NELL1: variants seen among roughly 807,000 people sequenced by gnomAD.
NELL1 encodes the protein protein kinase C-binding protein NELL1.
NELL1 carries 76 observed loss-of-function variants against 107.4 expected under a neutral mutation model. That is an observed-to-expected ratio of 0.71 (90% CI 0.59 to 0.86). NELL1 has a LOEUF of 0.86. Among genes scored for constraint, NELL1 ranks in the 40% least tolerant of loss-of-function variants. The pLI is 0.00. For missense variants in NELL1, 1,024 were observed against 1,005.5 expected, an observed-to-expected ratio of 1.02 and a Z score of -0.25; for synonymous variants, 353 against 341.2, an observed-to-expected ratio of 1.03 and a Z score of -0.38.
chr11:21,074,529 G>T (rs1236776502), intron 12 of NELL1, among the ~76,000 whole-genome samples: 1 of 152,056 alleles, frequency 6.6e-6, no homozygotes, highest in African/African-American at 2.4e-5. Flanking sequence ...ATCCAGGTTT[G>T]GATGCTGCTG....
intron 14 of NELL1, among the ~76,000 whole-genome samples, chr11:21,280,628 G>A (rs187643275): frequency 8.1e-4 from 123 of 152,168 alleles, no homozygotes; most frequent in African/African-American, 2.9e-3. Flanking sequence ...ACCAGCCCAC[G>A]GAGGGAGTAT....
chr11:20,852,018 T>C (rs1848804193), intron 4 of NELL1, among the ~76,000 whole-genome samples: 1 of 152,238 alleles, frequency 6.6e-6, no homozygotes, highest in African/African-American at 2.4e-5. Context: ...AGCTAAGAGA[T>C]GGATGGCTTT....
chr11:21,059,768 G>A (rs1357877286), intron 12 of NELL1, among the ~76,000 whole-genome samples: 1 of 152,012 alleles, frequency 6.6e-6, no homozygotes, highest in African/African-American at 2.4e-5. Context: ...ATCTTCCTTT[G>A]CTGCTACTGG....
At chr11:21,344,239 A>G (rs539545656) in intron 14 of NELL1, among the ~76,000 whole-genome samples, 8 of 152,316 alleles carry the variant, frequency 5.3e-5, no homozygotes, top group African/African-American at 1.9e-4. Context: ...CAGTAATAGA[A>G]TTTTTCAATC....
At chr11:21,352,612 C>T (rs1850842494) in intron 14 of NELL1, among the ~76,000 whole-genome samples, 1 of 152,118 alleles carries the variant, frequency 6.6e-6, no homozygotes, top group Non-Finnish European at 1.5e-5. Context: ...ACGAAAAATA[C>T]ACACAAATAA....
At chr11:20,793,189 C>A (rs10741854) in intron 3 of NELL1, among the ~76,000 whole-genome samples, 88,159 of 151,694 alleles carry the variant, frequency 0.58, 29,116 homozygotes, top group East Asian at 0.86. Flanking sequence ...TTTTCCACTT[C>A]TTTTGTGGTA....
intron 13 of NELL1, among the ~76,000 whole-genome samples, chr11:21,202,787 C>T (rs1261232629): frequency 1.3e-5 from 2 of 152,310 alleles, no homozygotes; most frequent in Middle Eastern, 3.4e-3. Flanking sequence ...CCTCTAAACA[C>T]TGCTTTAGCT....
intron 13 of NELL1, among the ~76,000 whole-genome samples, chr11:21,222,124 T>C (rs1185833426): frequency 6.6e-6 from 1 of 152,168 alleles, no homozygotes; most frequent in Non-Finnish European, 1.5e-5. Context: ...ATTTTGTTTA[T>C]CTTTTCAAAA....
chr11:21,111,117 A>G (rs1002388288), intron 12 of NELL1, among the ~76,000 whole-genome samples: 1 of 152,116 alleles, frequency 6.6e-6, no homozygotes, highest in African/African-American at 2.4e-5. Context: ...CAGATGAACC[A>G]TCACTACCAG....
chr11:21,282,841 C>T (rs1477236150), intron 14 of NELL1, among the ~76,000 whole-genome samples: 1 of 151,924 alleles, frequency 6.6e-6, no homozygotes, highest in Non-Finnish European at 1.5e-5. Context: ...ACTATTCAGC[C>T]ATAAAAAAGA....
Position 21,567,780 on chromosome 11 carries a change from C to T in NELL1, c.1981-2984C>T, listed in dbSNP as rs150963841. On this transcript the variant is annotated intron_variant, in intron 17 of 19. Transcript: ENST00000357134. ...TCAGATGTCACTAAGCTGTGAAGGA[C>T]GGTGAGCTATAGTAAATGACATAAA... Among the ~76,000 whole-genome samples the T allele has an allele frequency of 4.9e-3, 751 of 151,824 alleles. 4 individuals are homozygous for T. The highest frequency in any genetic ancestry group is 7.5e-3 in the Non-Finnish European group (509 of 67,860).
chr11:21,441,872 A>G (rs1441581125), intron 15 of NELL1, among the ~76,000 whole-genome samples: 1 of 152,186 alleles, frequency 6.6e-6, no homozygotes, highest in African/African-American at 2.4e-5. Context: ...AATTTGATTA[A>G]CAAGAGCCTG....
At chr11:21,029,799 C>T (rs961132031) in intron 12 of NELL1, among the ~76,000 whole-genome samples, 2 of 152,156 alleles carry the variant, frequency 1.3e-5, no homozygotes, top group Non-Finnish European at 2.9e-5. Context: ...ACTGTACTAG[C>T]GTCCAGCTTT....
intron 14 of NELL1, among the ~76,000 whole-genome samples, chr11:21,288,667 TTAAG>T (rs1242692977): frequency 2.6e-5 from 4 of 152,332 alleles, no homozygotes; most frequent in African/African-American, 7.2e-5. Flanking sequence ...GTTGTCAAAA[TTAAG>T]TAAGATTGTT....
At chr11:21,477,820 C>T (rs907909976) in intron 15 of NELL1, among the ~76,000 whole-genome samples, 1 of 149,016 alleles carries the variant, frequency 6.7e-6, no homozygotes, top group African/African-American at 2.5e-5. Context: ...ATTAAGATTC[C>T]TATCAGATAA....
chr11:21,354,946 G>A (rs1398657454), intron 14 of NELL1, among the ~76,000 whole-genome samples: 1 of 152,120 alleles, frequency 6.6e-6, no homozygotes, highest in Non-Finnish European at 1.5e-5. Context: ...CTTACCTGGG[G>A]CTTTCTCTTC....
At chr11:21,480,966 T>C (rs1356911256) in intron 15 of NELL1, among the ~76,000 whole-genome samples, 3 of 152,176 alleles carry the variant, frequency 2.0e-5, no homozygotes, top group South Asian at 4.1e-4. Flanking sequence ...TAGTCTTGGC[T>C]AAATCACTAG....
chr11:21,011,988 CT>C (rs1852456730), intron 12 of NELL1, among the ~76,000 whole-genome samples: 5 of 152,142 alleles, frequency 3.3e-5, no homozygotes, highest in Admixed American at 3.3e-4. Flanking sequence ...TTCTGTGCCC[CT>C]CTAGGGTGCC....
At chr11:21,220,758 A>T (rs1265609383) in intron 13 of NELL1, among the ~76,000 whole-genome samples, 1 of 151,618 alleles carries the variant, frequency 6.6e-6, no homozygotes, top group Non-Finnish European at 1.5e-5. Context: ...TAGTTCTGAG[A>T]TTTCTTTTTG....
Sources: gnomAD v4.1 joint callset for allele counts (sites outside exome capture counted in the v4.1 genomes callset) on GRCh38, gnomAD v4.1.1 for gene constraint, MANE v1.5 for transcripts, NCBI Gene and HGNC (gene_info 2026-07-23, HGNC 2026-07-21) for gene names.